Variants in PLCB3 observed in about 807,000 individuals in gnomAD.
The protein encoded by PLCB3 is 1-phosphatidylinositol 4,5-bisphosphate phosphodiesterase beta-3.
Under a neutral mutation model 152.1 loss-of-function variants are expected in PLCB3, and 54 were observed. The ratio of observed to expected loss-of-function variants is 0.36; its 90% CI spans 0.29 to 0.45. The LOEUF (loss-of-function observed/expected upper bound fraction) is 0.45. Among genes scored for constraint, PLCB3 ranks in the 20% least tolerant of loss-of-function variants. PLCB3 has a pLI of 1.00. For missense variants in PLCB3, 1,248 were observed against 1,687.5 expected, an observed-to-expected ratio of 0.74 and a Z score of 4.56; for synonymous variants, 717 against 698.7, an observed-to-expected ratio of 1.03 and a Z score of -0.41.
intron 24 of PLCB3, 24 bp from the exon 25 acceptor site, chr11:64,265,286 C>A: frequency 6.8e-7 from 1 of 1,470,048 alleles, no homozygotes; most frequent in Non-Finnish European, 9.4e-7. Context: ...CACCCCCCGC[C>A]CACCTTTGCT....
At position 64,255,789 on chromosome 11, in the gene PLCB3, G is replaced by A; in HGVS notation, c.666G>A (p.Leu222=). ...IFERFLNKLC[L]RPDIDKILLE... is the part of the protein sequence containing the mutation. ...AGCGGTTCCTGAACAAGCTGTGTCT[G>A]CGGCCGGACATTGACAAGATCCTGC... Residue 222 remains leucine, a synonymous_variant, in exon 8 of 31, where the codon CTG becomes CTA. Coordinates refer to ENST00000279230, the MANE Select transcript of PLCB3 (RefSeq NM_000932.5). This position sits in a 1 kb window ranked among gnomAD's most constrained non-coding sequence, Gnocchi z 6.8. The A allele has an allele frequency of 6.2e-7, 1 of 1,614,074 alleles. No homozygotes were observed. Among genetic ancestry groups the A allele is most frequent in the Non-Finnish European group, 8.5e-7 (1 of 1,179,934 alleles).
chr11:64,263,646 C>T (rs1408065986), intron 20 of PLCB3, 45 bp from the exon 21 acceptor site: 5 of 1,604,066 alleles, frequency 3.1e-6, no homozygotes, highest in Non-Finnish European at 3.4e-6. Flanking sequence ...TGGGTAGGGC[C>T]CCCACCTGGC....
At chr11:64,262,216 C>T (rs1414224705) in intron 17 of PLCB3, 140 bp downstream of exon 17, 4 of 1,340,868 alleles carry the variant, frequency 3.0e-6, no homozygotes, top group Non-Finnish European at 4.2e-6. Context: ...CCGACTCACC[C>T]CGCCTCCTGC....
At chr11:64,252,530 C>T (rs2031269827) in intron 1 of PLCB3, among the ~76,000 whole-genome samples, 1 of 152,222 alleles carries the variant, frequency 6.6e-6, no homozygotes, top group African/African-American at 2.4e-5. Flanking sequence ...CTCCACCCGG[C>T]CGGCCTGAGC....
chr11:64,261,660 T>C lies in PLCB3; in HGVS notation c.1908T>C (p.Phe636=), dbSNP rs1189020104. 6.2e-7 allele frequency: 1 copy of C among 1,613,702 alleles called. No individual in the cohort carries two copies. The highest frequency in any genetic ancestry group is 8.5e-7 in the Non-Finnish European group (1 of 1,179,682). Residue 636 remains phenylalanine, a synonymous_variant, in exon 16 of 31, where the codon TTT becomes TTC. Coordinates refer to ENST00000279230, the MANE Select transcript of PLCB3 (RefSeq NM_000932.5). The stretch of plus-strand genomic sequence containing the variant: ...AACTGACCAAGAGCCCCATGGAGTT[T>C]GTGGAGTATCCTTTGAAGGTGCTGT... ...MEQLTKSPME[F]VEYNKQQLSR...
Position 64,267,667 on chromosome 11 carries a change from AT to A in PLCB3, c.*118del, listed in dbSNP as rs1565340097. On this transcript the variant is annotated 3_prime_UTR_variant, in exon 31 of 31. Transcript: ENST00000279230. This position sits in a 1 kb window ranked among gnomAD's most constrained non-coding sequence, Gnocchi z 5.2. ...TTTTAACTTTTTATCTAGAAATTTT[AT>A]TTTTTTAAACCCGGGGCAAGTACCT... The A allele has an allele frequency of 5.6e-6, 5 of 885,866 alleles. No homozygotes were observed. Among genetic ancestry groups the A allele is most frequent in the Non-Finnish European group, 8.2e-6 (5 of 608,256 alleles). 54.9% of individuals were successfully genotyped at this position (885,866 alleles called of 1,614,324 possible). A position where few individuals can be genotyped will look rare whatever the true frequency, so the allele number is the denominator to read the frequency against.
chr11:64,258,780 A>G lies in PLCB3; in HGVS notation c.1253+67A>G. Reference sequence around the variant, plus strand: ...AGTCTTCCAGCTTCAGTGCTGTTGGACTGCTCAGGGACCTCCAACCCTGCG... The same window carrying G: ...AGTCTTCCAGCTTCAGTGCTGTTGGGCTGCTCAGGGACCTCCAACCCTGCG... On this transcript the variant is annotated intron_variant, in intron 11 of 30. Coordinates refer to ENST00000279230, the MANE Select transcript of PLCB3 (RefSeq NM_000932.5). This position sits in a 1 kb window ranked among gnomAD's most constrained non-coding sequence, Gnocchi z 7.2. 1 of 1,607,076 alleles carries G rather than the reference A, an allele frequency of 6.2e-7. No homozygotes were observed. The highest frequency in any genetic ancestry group is 8.5e-7 in the Non-Finnish European group (1 of 1,174,720).
intron 17 of PLCB3, 123 bp downstream of exon 17, chr11:64,262,199 C>T: frequency 7.0e-7 from 1 of 1,436,174 alleles, no homozygotes. Flanking sequence ...CCAGGGGAAC[C>T]CAGCTCCCGA....
chr11:64,259,042 G>A lies in PLCB3; in HGVS notation c.1339-16G>A, dbSNP rs756031600. ...CGGACCCGGTCCAGGGCCCTGACTC[G>A]TCCATGCCTGCCCAGCTGGCCCCAG... On this transcript the variant is annotated splice_polypyrimidine_tract_variant and intron_variant, in intron 12 of 30. Coordinates refer to ENST00000279230, the MANE Select transcript of PLCB3 (RefSeq NM_000932.5). 1.2e-5 allele frequency: 19 copies of A among 1,611,428 alleles called. No individual in the cohort carries two copies. Among genetic ancestry groups the A allele is most frequent in the South Asian group, 4.4e-5 (4 of 90,944 alleles).
intron 19 of PLCB3, chr11:64,263,290 C>T (rs2031947641): frequency 1.8e-6 from 1 of 557,810 alleles, no homozygotes; most frequent in Non-Finnish European, 3.2e-6. Context: ...CATCTTGCCT[C>T]AGGGTCCTGA....
rs2135042668 is a variant in PLCB3 at position 64,255,639 on chromosome 11, C to CGGGGTGGGGGGGGGGGGTACTGGGGG, written c.597+32_597+33insGGGGGGGGTACTGGGGGGGGGTGGGG. 3.1e-6 allele frequency: 2 copies of CGGGGTGGGGGGGGGGGGTACTGGGGG among 645,436 alleles called. No individual in the cohort carries two copies. The highest frequency in any genetic ancestry group is 5.4e-6 in the Non-Finnish European group (2 of 370,686). The allele number at this position is 645,436 out of a possible 1,614,324, so 40.0% of individuals were successfully genotyped here. A position where few individuals can be genotyped will look rare whatever the true frequency, so the allele number is the denominator to read the frequency against. On this transcript the variant is annotated intron_variant, in intron 7 of 30. Coordinates refer to ENST00000279230, the MANE Select transcript of PLCB3 (RefSeq NM_000932.5). This position sits in a 1 kb window ranked among gnomAD's most constrained non-coding sequence, Gnocchi z 6.8. ...CGGGTGTGTGGGGTGGGGACAGGGG[C>CGGGGTGGGGGGGGGGGGTACTGGGGG]GGGGTGGGGTGTCACGGTGGGCACC...
chr11:64,266,455 G>A lies in PLCB3; in HGVS notation c.3357-40G>A, dbSNP rs749983641. ...TCTGGGTACTGGGGAGGCAGGGCAG[G>A]TGTCTGGGCCCCGAGCCATCCTGCG... On this transcript the variant is annotated intron_variant, in intron 28 of 30. Transcript: ENST00000279230. The surrounding 1 kb of genome is among the most constrained non-coding windows in gnomAD (Gnocchi z 4.9). 11 of 1,607,944 alleles carry A rather than the reference G, an allele frequency of 6.8e-6. No individual in the cohort carries two copies. The highest frequency in any genetic ancestry group is 9.4e-6 in the Non-Finnish European group (11 of 1,174,556).
rs567001401 is a variant in PLCB3 at position 64,267,442 on chromosome 11, G to C, written c.3591G>C (p.Glu1197Asp). Residue 1197 changes from glutamate to aspartate, a missense_variant, in exon 31 of 31, where the codon GAG (glutamate) becomes GAC (aspartate). Around this residue, in one of 6 missense-constraint regions of PLCB3, gnomAD observed 477 missense variants for 489.6 expected, o/e 0.97. Coordinates refer to ENST00000279230, the MANE Select transcript of PLCB3 (RefSeq NM_000932.5). This position sits in a 1 kb window ranked among gnomAD's most constrained non-coding sequence, Gnocchi z 5.2. ...GGAGCCTGCTGGGCGAGATGCCGGAGGGGCTGGGGGACGGGCCTCTGGTGG... is the reference window on the plus strand; with the variant it reads ...GGAGCCTGCTGGGCGAGATGCCGGACGGGCTGGGGGACGGGCCTCTGGTGG... ...IRRSLLGEMP[E>D]GLGDGPLVAC... The C allele has an allele frequency of 3.2e-5, 49 of 1,551,064 alleles. No homozygotes were observed. In the African/African-American group the frequency reaches 6.1e-4, roughly 19 times the overall value.
chr11:64,266,637 G>T lies in PLCB3; in HGVS notation c.3414+85G>T. The T allele has an allele frequency of 1.5e-6, 2 of 1,358,826 alleles. No homozygotes were observed. The highest frequency in any genetic ancestry group is 2.1e-6 in the Non-Finnish European group (2 of 951,330). 84.2% of individuals were successfully genotyped at this position (1,358,826 alleles called of 1,614,324 possible). A position where few individuals can be genotyped will look rare whatever the true frequency, so the allele number is the denominator to read the frequency against. The stretch of plus-strand genomic sequence containing the variant: ...ATCTCCATGCCTGGCCTGGTGCCAC[G>T]TTGCCCTCAAGGTTCTTCTAGGGCC... On this transcript the variant is annotated intron_variant, in intron 29 of 30. Coordinates refer to ENST00000279230, the MANE Select transcript of PLCB3 (RefSeq NM_000932.5). This position sits in a 1 kb window ranked among gnomAD's most constrained non-coding sequence, Gnocchi z 4.9.
intron 19 of PLCB3, among the ~76,000 whole-genome samples, 171 bp downstream of exon 19, chr11:64,262,979 C>T (rs2031931613): frequency 6.6e-6 from 1 of 152,178 alleles, no homozygotes; most frequent in Non-Finnish European, 1.5e-5. Context: ...TCTCCCTGCC[C>T]TCCTTAGGGT....
At position 64,262,566 on chromosome 11, in the gene PLCB3, G is replaced by T. The variant is rs1298333402; in HGVS notation, c.2193+5G>T. ...GCCAATGCCTTGCGGGTCAAGGTGG[G>T]GCTTGCGGGCGGCTCAGGCCAGGGG... On this transcript the variant is annotated splice_donor_5th_base_variant and intron_variant, in intron 18 of 30. Transcript: ENST00000279230. The T allele has an allele frequency of 6.2e-7, 1 of 1,613,186 alleles. No homozygotes were observed. The highest frequency in any genetic ancestry group is 2.2e-5 in the East Asian group (1 of 44,864).
intron 14 of PLCB3, among the ~76,000 whole-genome samples, chr11:64,260,479 G>A (rs2031791985): frequency 6.6e-6 from 1 of 152,100 alleles, no homozygotes; most frequent in African/African-American, 2.4e-5. Context: ...AGTCTACCCT[G>A]GGCAGGGAGG....
Position 64,254,412 on chromosome 11 carries a change from C to G in PLCB3, c.100-3C>G. The G allele has an allele frequency of 6.2e-7, 1 of 1,613,360 alleles. No individual in the cohort carries two copies. The highest frequency in any genetic ancestry group is 2.2e-5 in the East Asian group (1 of 44,878). The stretch of plus-strand genomic sequence containing the variant: ...GACCCCTGCTGCCCTGTGCTGTCCT[C>G]AGGAGACCTCCAGTCGGAACCTGGT... On this transcript the variant is annotated splice_polypyrimidine_tract_variant and splice_region_variant and intron_variant, in intron 1 of 30. Coordinates refer to ENST00000279230, the MANE Select transcript of PLCB3 (RefSeq NM_000932.5).
At position 64,263,558 on chromosome 11, in the gene PLCB3, G is replaced by T; in HGVS notation, c.2416G>T (p.Val806Leu). 1 of 1,606,328 alleles carries T rather than the reference G, an allele frequency of 6.2e-7. No individual in the cohort carries two copies. The highest frequency in any genetic ancestry group is 8.5e-7 in the Non-Finnish European group (1 of 1,176,460). ...IAAFEEGGKFVGHRILPVSAI... is the reference protein window; with the variant it reads ...IAAFEEGGKFLGHRILPVSAI... ...AGCCTTTGAGGAGGGGGGTAAATTCGTAGGGCACCGGATCCTGCCTGTCTC... is the reference window on the plus strand; with the variant it reads ...AGCCTTTGAGGAGGGGGGTAAATTCTTAGGGCACCGGATCCTGCCTGTCTC... The change falls in exon 20 of 31, where the codon GTA becomes TTA. Residue 806 changes from valine to leucine, a missense_variant. Transcript: ENST00000279230.
Sources: allele counts gnomAD v4.1 joint callset (sites outside exome capture counted in the v4.1 genomes callset), GRCh38; gene constraint gnomAD v4.1.1; regional missense constraint gnomAD v4.1.1; non-coding constraint Gnocchi (gnomAD v3.1); transcripts MANE v1.5; gene names NCBI Gene and HGNC (gene_info 2026-07-23, HGNC 2026-07-21).